The following WDR7 variants were observed in gnomAD, a reference collection of about 807,000 sequenced individuals.
The protein encoded by WDR7 is WD repeat-containing protein 7.
A neutral mutation model predicts 169.4 loss-of-function variants in WDR7; 46 were observed. The observed-to-expected ratio is 0.27, with a 90% confidence interval of 0.21 to 0.35. WDR7 has a LOEUF of 0.35. WDR7 is among the 10% of genes least tolerant of loss of function. The pLI, the probability that WDR7 is intolerant of heterozygous loss-of-function variation, is 1.00. For missense variants in WDR7, 1,534 were observed against 1,859.3 expected, an observed-to-expected ratio of 0.83 and a Z score of 3.22; for synonymous variants, 612 against 666.8, an observed-to-expected ratio of 0.92 and a Z score of 1.27.
chr18:56,877,664 A>G (rs1234835166), intron 20 of WDR7, among the ~76,000 whole-genome samples: 1 of 152,220 alleles, frequency 6.6e-6, no homozygotes, highest in East Asian at 1.9e-4. Flanking sequence ...TCTATCTGTC[A>G]CTGCTTATCC....
At chr18:56,672,760 G>A in intron 2 of WDR7, 86 bp downstream of exon 2, 2 of 1,273,892 alleles carry the variant, frequency 1.6e-6, no homozygotes, top group Admixed American at 3.2e-5. Flanking sequence ...GATGCTTTTG[G>A]GCCCACAGTA....
At chr18:56,774,675 T>C (rs1486003175) in intron 16 of WDR7, among the ~76,000 whole-genome samples, 1 of 152,178 alleles carries the variant, frequency 6.6e-6, no homozygotes, top group East Asian at 1.9e-4. Context: ...TTTTCTTATG[T>C]AGATAGTTGT....
chr18:56,932,620 A>G (rs1032809900), intron 22 of WDR7, among the ~76,000 whole-genome samples: 2 of 152,198 alleles, frequency 1.3e-5, no homozygotes, highest in Admixed American at 1.3e-4. Context: ...TATTGTACAT[A>G]TAATAGAGGA....
At chr18:56,855,368 A>G (rs2045704024) in intron 20 of WDR7, among the ~76,000 whole-genome samples, 4 of 152,016 alleles carry the variant, frequency 2.6e-5, no homozygotes, top group African/African-American at 9.7e-5. Flanking sequence ...CATTTTCTTT[A>G]AGATGCCTTT....
At chr18:56,866,259 T>A (rs1010196096) in intron 20 of WDR7, among the ~76,000 whole-genome samples, 1 of 152,158 alleles carries the variant, frequency 6.6e-6, no homozygotes, top group Admixed American at 6.5e-5. Context: ...ATTCAGCCAG[T>A]CATCTTACCT....
chr18:56,693,915 G>A (rs1206359792), intron 9 of WDR7, among the ~76,000 whole-genome samples: 2 of 151,988 alleles, frequency 1.3e-5, no homozygotes, highest in South Asian at 2.1e-4. Flanking sequence ...TGTCATCCAG[G>A]CTGGAGTGCA....
intron 13 of WDR7, among the ~76,000 whole-genome samples, chr18:56,725,426 T>C (rs1223389730): frequency 6.6e-6 from 1 of 152,012 alleles, no homozygotes; most frequent in Non-Finnish European, 1.5e-5. Flanking sequence ...TTTTTTCATG[T>C]GTCTGTTGGC....
chr18:56,913,400 C>G (rs765117052), intron 21 of WDR7, among the ~76,000 whole-genome samples: 1 of 152,074 alleles, frequency 6.6e-6, no homozygotes, highest in Non-Finnish European at 1.5e-5. Context: ...TGTTTATGCC[C>G]AATTTTTGAG....
At chr18:56,739,133 T>C (rs2043574067) in intron 14 of WDR7, among the ~76,000 whole-genome samples, 1 of 152,094 alleles carries the variant, frequency 6.6e-6, no homozygotes, top group Admixed American at 6.6e-5. Context: ...ACTGATATAG[T>C]AGTGTTTAGA....
At chr18:56,940,648 G>A (rs757715937) in intron 25 of WDR7, among the ~76,000 whole-genome samples, 2 of 152,080 alleles carry the variant, frequency 1.3e-5, no homozygotes, top group African/African-American at 2.4e-5. Context: ...TATTTTTCCA[G>A]TTGACTATTT....
At chr18:56,766,607 C>T (rs1407277527) in intron 16 of WDR7, among the ~76,000 whole-genome samples, 2 of 151,908 alleles carry the variant, frequency 1.3e-5, no homozygotes, top group Admixed American at 6.6e-5. Flanking sequence ...CTAGGTTGGT[C>T]TTGAACCCCC....
intron 1 of WDR7, among the ~76,000 whole-genome samples, chr18:56,653,701 A>G (rs1372096497): frequency 6.6e-6 from 1 of 152,176 alleles, no homozygotes; most frequent in East Asian, 1.9e-4. Context: ...TTGAAGATCT[A>G]TTGCATTGCT....
chr18:56,773,030 T>C (rs28396980), intron 16 of WDR7, among the ~76,000 whole-genome samples: 2,092 of 152,306 alleles, frequency 0.014, 46 homozygotes, highest in African/African-American at 0.048. Flanking sequence ...GTATTAAAAC[T>C]GTGCTTATAT....
chr18:56,764,442 A>G lies in WDR7; in HGVS notation c.2848+5489A>G, dbSNP rs573405953. Among the ~76,000 whole-genome samples, 23 of 152,240 alleles carry G rather than the reference A, an allele frequency of 1.5e-4. 1 individual carries two copies. Among genetic ancestry groups the G allele is most frequent in the Non-Finnish European group, 2.8e-4 (19 of 67,968 alleles). ...TGGGCCAATAACATTGCGTACATTT[A>G]TAGTGTACAACATGATGTTTTGATA... On this transcript the variant is annotated intron_variant, in intron 16 of 27. Transcript: ENST00000254442.
intron 21 of WDR7, among the ~76,000 whole-genome samples, chr18:56,903,800 T>G (rs888550580): frequency 2.0e-5 from 3 of 152,182 alleles, no homozygotes; most frequent in Non-Finnish European, 4.4e-5. Flanking sequence ...GTAGATTCCT[T>G]GCCATCTCAC....
chr18:56,945,844 G>A (rs566664419), intron 25 of WDR7, among the ~76,000 whole-genome samples: 1 of 152,238 alleles, frequency 6.6e-6, no homozygotes, highest in South Asian at 2.1e-4. Context: ...AACAAAACCT[G>A]AGTCATTGTT....
chr18:56,787,142 G>T (rs537318203), intron 19 of WDR7, among the ~76,000 whole-genome samples: 9 of 152,010 alleles, frequency 5.9e-5, no homozygotes, highest in Non-Finnish European at 1.5e-5. Flanking sequence ...TTTTTTATGA[G>T]GTCAAGCACC....
intron 16 of WDR7, among the ~76,000 whole-genome samples, chr18:56,772,060 CAAAAAAAAAAAAA>C (rs71169397): frequency 9.8e-5 from 5 of 51,168 alleles, no homozygotes; most frequent in Middle Eastern, 0.022. Flanking sequence ...GACCCTGTCT[CAAAAAAAAAAAAA>C]AAAAAAAAAA....
intron 20 of WDR7, among the ~76,000 whole-genome samples, chr18:56,849,183 T>C (rs568779787): frequency 6.6e-6 from 1 of 152,296 alleles, no homozygotes; most frequent in South Asian, 2.1e-4. Context: ...TTGTGTAATC[T>C]GGTCTTCTGC....
Sources: allele counts gnomAD v4.1 joint callset (sites outside exome capture counted in the v4.1 genomes callset), GRCh38; gene constraint gnomAD v4.1.1; transcripts MANE v1.5; gene names NCBI Gene and HGNC (gene_info 2026-07-23, HGNC 2026-07-21).